ARAP2: variants seen among roughly 807,000 people sequenced by gnomAD.
ARAP2 encodes the protein arf-GAP with Rho-GAP domain, ANK repeat and PH domain-containing protein 2.
ARAP2 carries 148 observed loss-of-function variants against 194.5 expected under a neutral mutation model. The ratio of observed to expected loss-of-function variants is 0.76; its 90% CI spans 0.67 to 0.87. The LOEUF (loss-of-function observed/expected upper bound fraction) is 0.87, where lower values mean the gene tolerates loss of function less well. ARAP2 is among the 40% of genes least tolerant of loss of function. ARAP2 has a pLI of 0.00. For missense variants in ARAP2, 2,128 were observed against 1,989.7 expected, an observed-to-expected ratio of 1.07 and a Z score of -1.32; for synonymous variants, 695 against 683.5, an observed-to-expected ratio of 1.02 and a Z score of -0.26.
intron 1 of ARAP2, among the ~76,000 whole-genome samples, chr4:36,231,093 T>C (rs1751356289): frequency 6.6e-6 from 1 of 152,060 alleles, no homozygotes; most frequent in African/African-American, 2.4e-5. Context: ...TCCCAGCACT[T>C]TGGGAGGCCA....
intron 6 of ARAP2, among the ~76,000 whole-genome samples, chr4:36,206,713 C>T (rs1377353119): frequency 6.6e-6 from 1 of 152,164 alleles, no homozygotes; most frequent in African/African-American, 2.4e-5. Context: ...CTTTTCTGCA[C>T]TAAATGGAAG....
At chr4:36,155,435 C>A (rs112499615) in intron 15 of ARAP2, among the ~76,000 whole-genome samples, 62 of 152,174 alleles carry the variant, frequency 4.1e-4, no homozygotes, top group African/African-American at 1.4e-3. Flanking sequence ...GAAGAAGGAA[C>A]CAGACTGAGG....
chr4:36,142,517 T>C (rs1728584022), intron 19 of ARAP2, among the ~76,000 whole-genome samples: 1 of 151,516 alleles, frequency 6.6e-6, no homozygotes, highest in East Asian at 1.9e-4. Flanking sequence ...ACCTGCCTGT[T>C]CACTTCTGCT....
chr4:36,082,973 A>G (rs1458883546), intron 29 of ARAP2, among the ~76,000 whole-genome samples: 2 of 152,282 alleles, frequency 1.3e-5, no homozygotes, highest in East Asian at 3.9e-4. Context: ...GAAGCCAAGC[A>G]TCAGGAAGCT....
intron 1 of ARAP2, among the ~76,000 whole-genome samples, chr4:36,243,310 T>C (rs1471248700): frequency 6.9e-6 from 1 of 143,938 alleles, no homozygotes; most frequent in Non-Finnish European, 1.5e-5. Flanking sequence ...TAGCTTATTT[T>C]CAATACACTT....
At chr4:36,102,721 T>C (rs1437124170) in intron 27 of ARAP2, among the ~76,000 whole-genome samples, 1 of 152,008 alleles carries the variant, frequency 6.6e-6, no homozygotes, top group Non-Finnish European at 1.5e-5. Flanking sequence ...ACAGTTGTCA[T>C]ACATTTAAAA....
At chr4:36,013,006 A>G (rs7666597) in intron 8 of ARAP2, among the ~76,000 whole-genome samples, 47,522 of 152,150 alleles carry the variant, frequency 0.31, 7,769 homozygotes, top group Middle Eastern at 0.44. Flanking sequence ...TTTTGAAGCA[A>G]CAAAATATAG....
Position 36,068,038 on chromosome 4 carries a change from C to G in ARAP2, c.4984G>C (p.Asp1662His). The change falls in exon 33 of 33, where the codon GAC becomes CAC. Residue 1662 changes from aspartate (D) to histidine (H), a missense_variant. Transcript: ENST00000303965. ...TCCAAAGTAGCTTTGCTATTCCTGT[C>G]CTCAGTCTTCCTCAATGTCTTTAGG... is the stretch of plus-strand genomic sequence containing the variant. ...KGLKTLRKTE[D>H]RNSKATLDSD... The G allele has an allele frequency of 1.2e-6, 2 of 1,614,124 alleles. No homozygotes were observed. Among genetic ancestry groups the G allele is most frequent in the Non-Finnish European group, 8.5e-7 (1 of 1,180,002 alleles).
chr4:36,138,508 G>GT (rs1282740705), intron 19 of ARAP2, among the ~76,000 whole-genome samples: 1 of 151,626 alleles, frequency 6.6e-6, no homozygotes, highest in East Asian at 1.9e-4. Context: ...TCAGCACAAT[G>GT]TTTTTTAAGA....
At chr4:36,064,095 A>G (rs1249261708), downstream of ARAP2, among the ~76,000 whole-genome samples, 1 of 152,202 alleles carries the variant, frequency 6.6e-6, no homozygotes, top group Admixed American at 6.5e-5. Flanking sequence ...TGATTTCTTT[A>G]GAAATCAAAT....
intron 24 of ARAP2, among the ~76,000 whole-genome samples, chr4:36,119,252 G>A (rs542734819): frequency 3.8e-4 from 57 of 151,560 alleles, no homozygotes; most frequent in Non-Finnish European, 8.0e-4. Context: ...CAAAGCAAAA[G>A]CATATAAGAA....
At chr4:36,179,762 T>C (rs1162486429) in intron 8 of ARAP2, among the ~76,000 whole-genome samples, 1 of 152,196 alleles carries the variant, frequency 6.6e-6, no homozygotes, top group African/African-American at 2.4e-5. Context: ...AGTGACTTCA[T>C]TATGGATTGA....
intron 3 of ARAP2, among the ~76,000 whole-genome samples, chr4:36,051,165 T>C (rs893806253): frequency 1.3e-5 from 2 of 152,198 alleles, no homozygotes; most frequent in African/African-American, 4.8e-5. Flanking sequence ...TAGTTTTAGG[T>C]AAACTTTTGG....
At chr4:36,124,999 T>C (rs1234076785) in intron 21 of ARAP2, 32 bp from the exon 22 acceptor site, 1 of 1,350,762 alleles carries the variant, frequency 7.4e-7, no homozygotes, top group East Asian at 2.3e-5. Context: ...TCTTGAGATC[T>C]AAACTAATTA....
intron 13 of ARAP2, 113 bp downstream of exon 13, chr4:36,160,346 A>C: frequency 7.9e-7 from 1 of 1,267,894 alleles, no homozygotes; most frequent in Non-Finnish European, 1.0e-6. Flanking sequence ...GAAATAAAAT[A>C]AAATTAATAA....
chr4:36,090,321 C>T (rs1382150700), intron 28 of ARAP2, among the ~76,000 whole-genome samples: 1 of 152,046 alleles, frequency 6.6e-6, no homozygotes, highest in African/African-American at 2.4e-5. Flanking sequence ...TGAATTCTAC[C>T]ACATGTACAA....
In ARAP2 at chr4:36,128,586, A is replaced by G. The variant is rs745644529; in HGVS notation, c.3587T>C (p.Ile1196Thr). 1.7e-5 allele frequency: 27 copies of G among 1,613,004 alleles called. No individual in the cohort carries two copies. In the Admixed American group the frequency reaches 4.3e-4, roughly 26 times the overall value. Reference sequence around the variant, plus strand: ...CTCCTTAGTAAGCAGTGCATCATCAATGTCAGAGAGAAAACTTTTCAACAC... The same window carrying G: ...CTCCTTAGTAAGCAGTGCATCATCAGTGTCAGAGAGAAAACTTTTCAACAC... ...TAVLKSFLSD[I>T]DDALLTKELY... The change falls in exon 21 of 33, where the codon ATT (isoleucine) becomes ACT (threonine). Residue 1196 changes from isoleucine (I) to threonine (T), a missense_variant. Ile to Thr is a moderately conservative substitution (Grantham distance 89, BLOSUM62 -1). Coordinates refer to ENST00000303965, the MANE Select transcript of ARAP2 (RefSeq NM_015230.4).
At chr4:36,166,841 A>G (rs1008040011) in intron 10 of ARAP2, 91 bp downstream of exon 10, 4 of 639,812 alleles carry the variant, frequency 6.3e-6, no homozygotes, top group Admixed American at 3.5e-5. Flanking sequence ...TAAATGGCCT[A>G]CAAGAGAAAA....
intron 7 of ARAP2, among the ~76,000 whole-genome samples, chr4:36,192,235 T>C (rs1375577863): frequency 6.7e-6 from 1 of 148,442 alleles, no homozygotes; most frequent in Non-Finnish European, 1.5e-5. Context: ...ATGGATGAAG[T>C]GTCACAGAAA....
Sources: allele counts gnomAD v4.1 joint callset (sites outside exome capture counted in the v4.1 genomes callset), GRCh38; gene constraint gnomAD v4.1.1; transcripts MANE v1.5; gene names NCBI Gene and HGNC (gene_info 2026-07-23, HGNC 2026-07-21).